CATSPERE: variants seen among roughly 807,000 people sequenced by gnomAD.
CATSPERE encodes cation channel sperm-associated auxiliary subunit epsilon.
In CATSPERE, 93 loss-of-function variants were observed where a neutral mutation model predicts 114.1. That is an observed-to-expected ratio of 0.81 (90% CI 0.69 to 0.97). The LOEUF is 0.97. Among genes scored for constraint, CATSPERE ranks in the 50% least tolerant of loss-of-function variants. The pLI is 0.00. For missense variants in CATSPERE, 1,058 were observed against 1,131.6 expected (o/e 0.93, Z 0.93); for synonymous variants, 341 against 384.1 (o/e 0.89, Z 1.31).
chr1:244,494,379 A>C (rs1385202439), intron 6 of CATSPERE, among the ~76,000 whole-genome samples: 2 of 145,096 alleles, frequency 1.4e-5, no homozygotes, highest in African/African-American at 2.6e-5. Flanking sequence ...GCATATTCTC[A>C]CTCATAGGTG....
At chr1:244,566,652 CTTTTTTT>C (rs59466928) in intron 10 of CATSPERE, among the ~76,000 whole-genome samples, 1 of 49,070 alleles carries the variant, frequency 2.0e-5, no homozygotes, top group Non-Finnish European at 7.0e-5. Context: ...GCAACCCCTG[CTTTTTTT>C]TTTTTTTTTT....
At chr1:244,488,641 G>A (rs1055145344) in intron 5 of CATSPERE, among the ~76,000 whole-genome samples, 1 of 152,162 alleles carries the variant, frequency 6.6e-6, no homozygotes. Context: ...TTATCGACAA[G>A]TATTTCCTTT....
At chr1:244,601,260 G>A (rs1669178306) in intron 17 of CATSPERE, among the ~76,000 whole-genome samples, 1 of 152,088 alleles carries the variant, frequency 6.6e-6, no homozygotes, top group South Asian at 2.1e-4. Context: ...ATAAGAAAGA[G>A]GGTAAGAAAC....
intron 8 of CATSPERE, among the ~76,000 whole-genome samples, chr1:244,523,229 C>T (rs1464771734): frequency 1.3e-5 from 2 of 149,086 alleles, no homozygotes; most frequent in Admixed American, 1.3e-4. Context: ...GAACCAAAGA[C>T]AAAAACCACA....
At chr1:244,626,579 C>T (rs901122508) in intron 20 of CATSPERE, among the ~76,000 whole-genome samples, 14 of 151,976 alleles carry the variant, frequency 9.2e-5, no homozygotes, top group African/African-American at 3.4e-4. Flanking sequence ...GTAGTGTAGC[C>T]ACCTTCATCA....
At chr1:244,472,807 C>A (rs1163051663) in intron 2 of CATSPERE, among the ~76,000 whole-genome samples, 2 of 152,174 alleles carry the variant, frequency 1.3e-5, no homozygotes, top group Non-Finnish European at 2.9e-5. Flanking sequence ...CAGCCCCTTA[C>A]AACACTGATC....
intron 7 of CATSPERE, among the ~76,000 whole-genome samples, chr1:244,510,394 C>T (rs1048986664): frequency 3.3e-5 from 5 of 152,082 alleles, no homozygotes; most frequent in African/African-American, 9.7e-5. Context: ...TGTCCACTTT[C>T]GTCCATGTAT....
chr1:244,461,498 G>A lies in CATSPERE; in HGVS notation c.65+4G>A. The A allele has an allele frequency of 7.6e-7, 1 of 1,315,692 alleles. No individual in the cohort carries two copies. Among genetic ancestry groups the A allele is most frequent in the South Asian group, 2.5e-5 (1 of 40,566 alleles). 81.5% of individuals were successfully genotyped at this position (1,315,692 alleles called of 1,614,324 possible). ...GCTATGGCTCCGCCCTTTGGAGGTA[G>A]AGAGACGCCAGTCGCAGGCGAGCGA... On this transcript the variant is annotated splice_donor_region_variant and intron_variant, in intron 1 of 21. Transcript: ENST00000366534.
intron 19 of CATSPERE, among the ~76,000 whole-genome samples, chr1:244,616,472 T>C (rs1377673654): frequency 2.6e-5 from 4 of 152,172 alleles, no homozygotes; most frequent in Admixed American, 2.0e-4. Context: ...CAGAAATTTA[T>C]TGGTTCATGA....
chr1:244,460,720 C>A (rs913951410), upstream of CATSPERE, among the ~76,000 whole-genome samples: 2 of 152,198 alleles, frequency 1.3e-5, no homozygotes, highest in African/African-American at 4.8e-5. Context: ...TGGAGACCAG[C>A]CTGGGCAAGA....
chr1:244,463,429 A>G (rs1667117092), intron 1 of CATSPERE, among the ~76,000 whole-genome samples: 1 of 152,086 alleles, frequency 6.6e-6, no homozygotes, highest in Admixed American at 6.5e-5. Flanking sequence ...AGTCCCAGCT[A>G]TTCGGGAGGC....
intron 19 of CATSPERE, among the ~76,000 whole-genome samples, chr1:244,612,434 T>C (rs929832342): frequency 2.0e-5 from 3 of 151,754 alleles, no homozygotes; most frequent in African/African-American, 7.3e-5. Context: ...TCTGGGACTG[T>C]AAATTCTTAG....
intron 2 of CATSPERE, among the ~76,000 whole-genome samples, chr1:244,464,969 A>AC (rs200803551): frequency 0.011 from 1,649 of 151,224 alleles, 43 homozygotes; most frequent in African/African-American, 0.038. Context: ...CTGAAAAAAA[A>AC]AAAAGCTGAA....
chr1:244,482,621 A>T (rs1263749398), intron 5 of CATSPERE, among the ~76,000 whole-genome samples: 3 of 152,068 alleles, frequency 2.0e-5, no homozygotes, highest in African/African-American at 7.2e-5. Flanking sequence ...TAAAAATAAA[A>T]ACAAAATAAT....
In CATSPERE at chr1:244,588,511, T is replaced by C; in HGVS notation, c.2115T>C (p.Asp705=). 1.9e-6 allele frequency: 3 copies of C among 1,612,110 alleles called. No homozygotes were observed. Among genetic ancestry groups the C allele is most frequent in the Non-Finnish European group, 2.5e-6 (3 of 1,178,288 alleles). Residue 705 remains aspartate (D), a synonymous_variant, in exon 14 of 22, where the codon GAT becomes GAC. Transcript: ENST00000366534. ...TCCAAATAGCTGTTGGCTGTGATGA[T>C]AAAAAATTCATTGCAATTAAAGGGT... ...KVFQIAVGCD[D]KKFIAIKGFS...
chr1:244,493,206 A>G (rs553975975), intron 6 of CATSPERE, among the ~76,000 whole-genome samples: 2 of 152,344 alleles, frequency 1.3e-5, no homozygotes, highest in South Asian at 2.1e-4. Context: ...TATATACTAC[A>G]AGGCTACAGT....
chr1:244,559,994 A>G (rs1014336453), intron 9 of CATSPERE, among the ~76,000 whole-genome samples: 2 of 151,960 alleles, frequency 1.3e-5, no homozygotes, highest in African/African-American at 2.4e-5. Flanking sequence ...TTTAATTTTT[A>G]TTTATTTATT....
chr1:244,514,083 GA>G lies in CATSPERE; in HGVS notation c.430-4507del, dbSNP rs561682352. On this transcript the variant is annotated intron_variant, in intron 7 of 21. Transcript: ENST00000366534. Reference sequence around the variant, plus strand: ...TGTTCATAGGGACTTTTGAGGCACAGAAGTTTTTAATTTTAATGAAAGCTAT... The same window carrying G: ...TGTTCATAGGGACTTTTGAGGCACAGAGTTTTTAATTTTAATGAAAGCTAT... Among the ~76,000 whole-genome samples the G allele has an allele frequency of 4.9e-3, 749 of 152,316 alleles. 1 individual carries two copies. Among genetic ancestry groups the G allele is most frequent in the Non-Finnish European group, 8.5e-3 (578 of 68,032 alleles).
intron 14 of CATSPERE, among the ~76,000 whole-genome samples, chr1:244,589,601 C>T (rs1249369631): frequency 1.3e-5 from 2 of 152,156 alleles, no homozygotes; most frequent in African/African-American, 4.8e-5. Context: ...TCATCCCACA[C>T]CTGCTGAATC....
Sources: gnomAD v4.1 joint callset for allele counts (sites outside exome capture counted in the v4.1 genomes callset) on GRCh38, gnomAD v4.1.1 for gene constraint, MANE v1.5 for transcripts, NCBI Gene and HGNC (gene_info 2026-07-23, HGNC 2026-07-21) for gene names.